HSD17B11: variants seen among roughly 807,000 people sequenced by gnomAD.
HSD17B11 encodes hydroxysteroid 17-beta dehydrogenase 11.
A neutral mutation model predicts 27.8 loss-of-function variants in HSD17B11; 22 were observed. The ratio of observed to expected loss-of-function variants is 0.79; its 90% confidence interval spans 0.56 to 1.13. The LOEUF is 1.13. Among genes scored for constraint, HSD17B11 ranks in the 50% most tolerant of loss-of-function variants. HSD17B11 has a pLI of 0.00. For missense variants in HSD17B11, 314 were observed against 351.1 expected, an observed-to-expected ratio of 0.89 and a Z score of 0.84; for synonymous variants, 117 against 132.8, an observed-to-expected ratio of 0.88 and a Z score of 0.82.
intron 4 of HSD17B11, among the ~76,000 whole-genome samples, chr4:87,371,272 A>G (rs1386609377): frequency 6.6e-6 from 1 of 152,252 alleles, no homozygotes; most frequent in African/African-American, 2.4e-5. Context: ...ATACAACACT[A>G]TGCAGCCATG....
chr4:87,388,874 A>T (rs1720383348), intron 1 of HSD17B11, among the ~76,000 whole-genome samples: 1 of 152,242 alleles, frequency 6.6e-6, no homozygotes, highest in Admixed American at 6.5e-5. Context: ...TCATTAACCT[A>T]ACTAACTCTT....
At chr4:87,370,783 C>T (rs1237636639) in intron 4 of HSD17B11, among the ~76,000 whole-genome samples, 3 of 92,220 alleles carry the variant, frequency 3.3e-5, no homozygotes, top group African/African-American at 1.7e-4. Flanking sequence ...GACGGAGTCT[C>T]GCTCTGTCGC....
chr4:87,366,499 T>C (rs1299519709), intron 4 of HSD17B11, among the ~76,000 whole-genome samples: 1 of 152,206 alleles, frequency 6.6e-6, no homozygotes, highest in Admixed American at 6.5e-5. Flanking sequence ...TGAAACAGTG[T>C]TTTGCTTTCT....
chr4:87,390,717 T>C (rs1202667677), intron 1 of HSD17B11, 144 bp downstream of exon 1: 27 of 658,092 alleles, frequency 4.1e-5, no homozygotes, highest in Non-Finnish European at 7.3e-5. Flanking sequence ...TATTAATTCA[T>C]GCCCTCCCAT....
At chr4:87,375,388 C>G (rs146972369) in intron 2 of HSD17B11, among the ~76,000 whole-genome samples, 2 of 152,278 alleles carry the variant, frequency 1.3e-5, no homozygotes, top group East Asian at 3.9e-4. Context: ...GACTATAGAT[C>G]AAGAGGCATT....
chr4:87,347,122 T>TC (rs1259281303), intron 5 of HSD17B11, among the ~76,000 whole-genome samples: 1 of 83,364 alleles, frequency 1.2e-5, no homozygotes, highest in African/African-American at 7.9e-5. Flanking sequence ...TTTTCTTTTT[T>TC]TTTTTTTTTT....
At chr4:87,339,343 GC>G (rs1380807638) in intron 6 of HSD17B11, among the ~76,000 whole-genome samples, 2 of 152,214 alleles carry the variant, frequency 1.3e-5, no homozygotes, top group African/African-American at 4.8e-5. Flanking sequence ...CATATGTCAT[GC>G]TTTTCATTTC....
At chr4:87,367,095 G>C (rs2110122228) in intron 4 of HSD17B11, among the ~76,000 whole-genome samples, 1 of 152,290 alleles carries the variant, frequency 6.6e-6, no homozygotes, top group East Asian at 1.9e-4. Flanking sequence ...GAAACCAATT[G>C]TAAGTATTCT....
intron 5 of HSD17B11, among the ~76,000 whole-genome samples, chr4:87,352,884 C>G (rs1735311329): frequency 1.5e-5 from 1 of 67,874 alleles, no homozygotes; most frequent in African/African-American, 8.9e-5. Context: ...ACCCGATTTT[C>G]CAGGTGCGTC....
At chr4:87,376,930 G>A (rs1331746672) in intron 2 of HSD17B11, among the ~76,000 whole-genome samples, 2 of 151,868 alleles carry the variant, frequency 1.3e-5, no homozygotes, top group Middle Eastern at 3.2e-3. Context: ...AGGAGTTCAA[G>A]ACCAGCCTGA....
chr4:87,380,462 G>C (rs1274232949), intron 2 of HSD17B11, among the ~76,000 whole-genome samples: 1 of 101,168 alleles, frequency 9.9e-6, no homozygotes, highest in Admixed American at 1.3e-4. Flanking sequence ...AACAGAGCAA[G>C]ACTGTCTCAA....
chr4:87,390,749 T>C, intron 1 of HSD17B11, 112 bp downstream of exon 1: 1 of 842,992 alleles, frequency 1.2e-6, no homozygotes, highest in Non-Finnish European at 1.9e-6. Flanking sequence ...CAATACTAAT[T>C]TTTTTTTCCT....
At chr4:87,386,994 G>T (rs1211954028) in intron 1 of HSD17B11, 1 of 152,270 alleles carries the variant, frequency 6.6e-6, no homozygotes, top group African/African-American at 2.4e-5. Context: ...AACCTGGCTG[G>T]TTCACCCCTC....
intron 2 of HSD17B11, 42 bp from the exon 3 acceptor site, chr4:87,374,872 A>G (rs745796342): frequency 1.4e-6 from 2 of 1,469,244 alleles, no homozygotes; most frequent in East Asian, 4.6e-5. Context: ...ATTAAGAGGT[A>G]TGAGGGTAAG....
chr4:87,369,432 C>CTTTT (rs764707419), intron 4 of HSD17B11, among the ~76,000 whole-genome samples: 1 of 141,112 alleles, frequency 7.1e-6, no homozygotes, highest in Non-Finnish European at 1.5e-5. Flanking sequence ...ATTCCAAATT[C>CTTTT]TTTTTTTTTT....
chr4:87,384,502 T>C (rs1191211947), intron 1 of HSD17B11, among the ~76,000 whole-genome samples: 1 of 152,178 alleles, frequency 6.6e-6, no homozygotes, highest in Non-Finnish European at 1.5e-5. Flanking sequence ...GATGTGCAAG[T>C]AGGAGAGATA....
chr4:87,360,763 G>A (rs1735494833), intron 4 of HSD17B11, among the ~76,000 whole-genome samples: 1 of 152,138 alleles, frequency 6.6e-6, no homozygotes, highest in South Asian at 2.1e-4. Context: ...TTGGGCCTGG[G>A]GCAGTTTAAG....
chr4:87,347,114 TTC>T (rs1553958404), intron 5 of HSD17B11, among the ~76,000 whole-genome samples: 9 of 72,658 alleles, frequency 1.2e-4, no homozygotes, highest in African/African-American at 6.0e-4. Flanking sequence ...TTTTTTTTTT[TTC>T]TTTTTTTTTT....
chr4:87,369,151 A>G (rs1372057526), intron 4 of HSD17B11, among the ~76,000 whole-genome samples: 2 of 152,110 alleles, frequency 1.3e-5, no homozygotes, highest in Non-Finnish European at 2.9e-5. Context: ...ACTAAACCTT[A>G]TTTTCTGATT....
Sources: allele counts gnomAD v4.1 joint callset (sites outside exome capture counted in the v4.1 genomes callset), GRCh38; gene constraint gnomAD v4.1.1; transcripts MANE v1.5; gene names NCBI Gene and HGNC (gene_info 2026-07-23, HGNC 2026-07-21).